The following PTPRT variants were observed in gnomAD, a reference collection of about 807,000 sequenced individuals.
PTPRT encodes the protein receptor-type tyrosine-protein phosphatase T.
Under a neutral mutation model 176.8 loss-of-function variants are expected in PTPRT, and 56 were observed. That is an observed-to-expected ratio of 0.32 (90% CI 0.26 to 0.40). The LOEUF (loss-of-function observed/expected upper bound fraction) is 0.40. PTPRT is among the 10% of genes least tolerant of loss of function. PTPRT has a pLI of 1.00. For missense variants in PTPRT, 1,540 were observed against 1,908.2 expected (o/e 0.81, Z 3.60); for synonymous variants, 783 against 739.0 (o/e 1.06, Z -0.96).
intron 6 of PTPRT, among the ~76,000 whole-genome samples, chr20:42,702,599 C>T (rs193061787): frequency 5.2e-4 from 79 of 152,288 alleles, no homozygotes; most frequent in African/African-American, 1.8e-3. Flanking sequence ...AAACAGTGGC[C>T]GTCCAGCACC....
At chr20:42,170,920 A>T (rs868016923) in intron 16 of PTPRT, among the ~76,000 whole-genome samples, 4 of 152,216 alleles carry the variant, frequency 2.6e-5, no homozygotes, top group African/African-American at 7.2e-5. Context: ...ATTCTGATAC[A>T]ATTGTTTAAA....
At chr20:42,177,417 C>CA (rs752382264) in intron 16 of PTPRT, among the ~76,000 whole-genome samples, 6 of 152,092 alleles carry the variant, frequency 3.9e-5, no homozygotes, top group Admixed American at 2.6e-4. Context: ...CAAAACCAAC[C>CA]AAAAAATGCA....
intron 1 of PTPRT, among the ~76,000 whole-genome samples, chr20:42,906,272 G>A (rs895401762): frequency 2.0e-5 from 3 of 152,100 alleles, no homozygotes; most frequent in African/African-American, 7.2e-5. Flanking sequence ...AGCAGATGCT[G>A]GAGGCTGACC....
At chr20:42,868,847 T>C (rs1156872447) in intron 2 of PTPRT, among the ~76,000 whole-genome samples, 1 of 152,204 alleles carries the variant, frequency 6.6e-6, no homozygotes, top group Non-Finnish European at 1.5e-5. Flanking sequence ...TGGGCACCCA[T>C]GAGACCTCAG....
intron 16 of PTPRT, among the ~76,000 whole-genome samples, chr20:42,193,423 T>C (rs1050286963): frequency 2.6e-5 from 4 of 152,234 alleles, no homozygotes; most frequent in African/African-American, 9.6e-5. Context: ...TTCTCCCGGC[T>C]GTCAGTGACC....
intron 6 of PTPRT, among the ~76,000 whole-genome samples, chr20:42,693,806 T>C (rs570594324): frequency 6.6e-6 from 1 of 152,214 alleles, no homozygotes; most frequent in Admixed American, 6.5e-5. Flanking sequence ...CTATAATCCA[T>C]AAGGAAATTA....
intron 3 of PTPRT, among the ~76,000 whole-genome samples, chr20:42,781,606 C>G (rs1338105640): frequency 1.3e-5 from 2 of 152,146 alleles, no homozygotes; most frequent in Non-Finnish European, 2.9e-5. Flanking sequence ...TCTTTAAAAA[C>G]TACCCTTCAG....
chr20:42,084,891 C>A (rs752948610), intron 28 of PTPRT, 46 bp from the exon 29 acceptor site: 1 of 1,346,398 alleles, frequency 7.4e-7, no homozygotes, highest in Non-Finnish European at 9.7e-7. Flanking sequence ...GGGATGCTTG[C>A]GTACATGCAC....
At position 42,244,297 on chromosome 20, in the gene PTPRT, G is replaced by A. The variant is rs897608084; in HGVS notation, c.2312+4390C>T. On this transcript the variant is annotated intron_variant, in intron 14 of 30. Transcript: ENST00000373187. Reference sequence around the variant, plus strand: ...AGAGAATTGATGTATAACCAGAGATGCATATAAAATATCAGAATAGACATT... The same window carrying A: ...AGAGAATTGATGTATAACCAGAGATACATATAAAATATCAGAATAGACATT... Among the ~76,000 whole-genome samples, 4 of 152,110 alleles carry A rather than the reference G, an allele frequency of 2.6e-5. No homozygotes were observed. In the South Asian group the frequency reaches 8.3e-4, roughly 32 times the overall value.
intron 7 of PTPRT, among the ~76,000 whole-genome samples, chr20:42,620,414 C>A (rs933293901): frequency 1.4e-4 from 21 of 149,860 alleles, no homozygotes; most frequent in Non-Finnish European, 2.2e-4. Context: ...GCCCTGCCCC[C>A]AGAGGTGGAG....
chr20:42,565,879 C>T (rs1365351909), intron 7 of PTPRT, among the ~76,000 whole-genome samples: 1 of 152,014 alleles, frequency 6.6e-6, no homozygotes, highest in African/African-American at 2.4e-5. Flanking sequence ...CCCTTCCTCC[C>T]TGCTTTTATT....
chr20:42,195,012 G>C (rs1380294158), intron 16 of PTPRT, among the ~76,000 whole-genome samples: 1 of 152,100 alleles, frequency 6.6e-6, no homozygotes, highest in Non-Finnish European at 1.5e-5. Flanking sequence ...GTTGTGGGGT[G>C]GGGGATGGGG....
chr20:42,252,696 A>T (rs56339234), intron 13 of PTPRT, among the ~76,000 whole-genome samples: 4,278 of 152,334 alleles, frequency 0.028, 197 homozygotes, highest in African/African-American at 0.098. Flanking sequence ...ATTCCAAGAC[A>T]TTCCTAAATA....
At chr20:42,151,326 GGCCCT>G (rs1568973097) in intron 17 of PTPRT, among the ~76,000 whole-genome samples, 1 of 151,940 alleles carries the variant, frequency 6.6e-6, no homozygotes, top group African/African-American at 2.4e-5. Flanking sequence ...CCCCCTGACA[GGCCCT>G]GGGGTGTCAT....
At position 42,603,904 on chromosome 20, in the gene PTPRT, C is replaced by A. The variant is rs12106097; in HGVS notation, c.1153+73962G>T. On this transcript the variant is annotated intron_variant, in intron 7 of 30. Coordinates refer to ENST00000373187, the MANE Select transcript of PTPRT (RefSeq NM_007050.6). ...TCCATGCATATCCAGCTCTTCTCAA[C>A]CTGGGGCTCCCTTAGAAAATCCAGA... Among the ~76,000 whole-genome samples, 1,071 of 152,316 alleles carry A rather than the reference C, an allele frequency of 7.0e-3. 15 individuals are homozygous for A. The highest frequency in any genetic ancestry group is 0.025 in the African/African-American group (1,030 of 41,564).
intron 7 of PTPRT, among the ~76,000 whole-genome samples, chr20:42,562,266 C>T (rs2072964776): frequency 6.6e-6 from 1 of 152,164 alleles, no homozygotes; most frequent in Non-Finnish European, 1.5e-5. Flanking sequence ...CTAGGTAATG[C>T]CACACCCCCA....
chr20:42,678,047 T>C lies in PTPRT; in HGVS notation c.972A>G (p.Glu324=), dbSNP rs2146067384. 4 of 1,614,184 alleles carry C rather than the reference T, an allele frequency of 2.5e-6. No individual in the cohort carries two copies. The East Asian group carries it at 8.9e-5, about 36-fold the overall frequency. Residue 324 remains glutamate (E), a synonymous_variant, in exon 7 of 31, where the codon GAA becomes GAG. Coordinates refer to ENST00000373187, the MANE Select transcript of PTPRT (RefSeq NM_007050.6). ...IIGDGPIILK[E]VEYRTTTGTW... is the part of the protein sequence containing the mutation. The stretch of plus-strand genomic sequence containing the variant: ...TGCCTGTGGTGGTGCGATATTCCAC[T>C]TCCTTCAGGATGATGGGGCCATCCC...
At chr20:42,034,884 C>A in the PTPRT span, among the ~76,000 whole-genome samples, 1 of 152,132 alleles carries the variant, frequency 6.6e-6, no homozygotes, top group Non-Finnish European at 1.5e-5. Flanking sequence ...GGGTCTTAAA[C>A]CCTTCTGAGG....
At chr20:42,882,778 C>T (rs531280277) in intron 2 of PTPRT, among the ~76,000 whole-genome samples, 32 of 152,306 alleles carry the variant, frequency 2.1e-4, no homozygotes, top group African/African-American at 7.5e-4. Context: ...AAACCATGCA[C>T]TGGATGAATA....
Sources: allele counts gnomAD v4.1 joint callset (sites outside exome capture counted in the v4.1 genomes callset), GRCh38; gene constraint gnomAD v4.1.1; transcripts MANE v1.5; gene names NCBI Gene and HGNC (gene_info 2026-07-23, HGNC 2026-07-21).